Variants in CERT1 observed in about 807,000 individuals in gnomAD.
The protein encoded by CERT1 is ceramide transfer protein.
Under a neutral mutation model 87.9 loss-of-function variants are expected in CERT1, and 31 were observed. That is an observed-to-expected ratio of 0.35 (90% confidence interval 0.27 to 0.48). The LOEUF is 0.48. Among genes scored for constraint, CERT1 ranks in the 20% least tolerant of loss-of-function variants. The pLI is 0.99. For missense variants in CERT1, 487 were observed against 758.0 expected (o/e 0.64, Z 4.20); for synonymous variants, 289 against 250.9 (o/e 1.15, Z -1.44).
chr5:75,412,609 C>T (rs1441569415), intron 7 of CERT1, among the ~76,000 whole-genome samples: 2 of 152,202 alleles, frequency 1.3e-5, no homozygotes. Context: ...GCCTACTACA[C>T]ATCTAGGCTA....
intron 13 of CERT1, 21 bp downstream of exon 13, chr5:75,385,881 A>G (rs2112013852): frequency 7.0e-7 from 1 of 1,425,688 alleles, no homozygotes; most frequent in Non-Finnish European, 9.2e-7. Flanking sequence ...AGATTAAAAT[A>G]TATTAATAAT....
intron 2 of CERT1, among the ~76,000 whole-genome samples, chr5:75,487,300 C>T (rs1420283775): frequency 6.6e-6 from 1 of 151,932 alleles, no homozygotes. Context: ...GAAACTAGAC[C>T]CCTACCTCTT....
chr5:75,433,711 G>C (rs907422096), intron 3 of CERT1, among the ~76,000 whole-genome samples: 2 of 152,002 alleles, frequency 1.3e-5, no homozygotes, highest in Non-Finnish European at 2.9e-5. Flanking sequence ...TGTAGAGATG[G>C]GGTCTCACTC....
At chr5:75,399,413 C>A in intron 10 of CERT1, 26 bp from the exon 11 acceptor site, 2 of 1,563,756 alleles carry the variant, frequency 1.3e-6, no homozygotes, top group East Asian at 2.2e-5. Flanking sequence ...AAAGAAAAAA[C>A]CAAGTAATCA....
chr5:75,381,681 C>CT lies in CERT1; in HGVS notation c.1617+267dup, dbSNP rs1300293441. 2.0e-5 allele frequency among the ~76,000 whole-genome samples: 3 copies of CT among 151,992 alleles called. No individual in the cohort carries two copies. The East Asian group carries it at 5.8e-4, about 29-fold the overall frequency. On this transcript the variant is annotated intron_variant, in intron 15 of 16. Coordinates refer to ENST00000643780, the MANE Select transcript of CERT1 (RefSeq NM_001379029.1). The stretch of plus-strand genomic sequence containing the variant: ...TTAAGAGATAACTGTGGGAAGTAGC[C>CT]TACTGCCCAGTGTATGTACTGCCCT...
chr5:75,374,486 T>C (rs1326867605), downstream of CERT1: 14 of 721,412 alleles, frequency 1.9e-5, no homozygotes, highest in Admixed American at 5.2e-5. Flanking sequence ...GAAGGAACAA[T>C]GGTTGTGCCA....
intron 8 of CERT1, among the ~76,000 whole-genome samples, chr5:75,409,052 A>G (rs891914170): frequency 1.3e-5 from 2 of 152,070 alleles, no homozygotes; most frequent in Admixed American, 1.3e-4. Flanking sequence ...CATGGGCTTT[A>G]TTGGCTTATT....
intron 16 of CERT1, among the ~76,000 whole-genome samples, chr5:75,380,548 G>T (rs972560737): frequency 3.9e-5 from 6 of 152,104 alleles, no homozygotes; most frequent in African/African-American, 1.4e-4. Flanking sequence ...CAGCACTTTG[G>T]GAGGCCGAGG....
At chr5:75,484,654 A>G (rs1766422636) in intron 2 of CERT1, among the ~76,000 whole-genome samples, 1 of 152,100 alleles carries the variant, frequency 6.6e-6, no homozygotes, top group African/African-American at 2.4e-5. Flanking sequence ...GTCGTTACAT[A>G]ATGACAAAGG....
chr5:75,463,407 T>C (rs1467585120), intron 2 of CERT1, among the ~76,000 whole-genome samples: 1 of 152,118 alleles, frequency 6.6e-6, no homozygotes, highest in African/African-American at 2.4e-5. Context: ...TAAGAATGCA[T>C]GCTACAGGAA....
At chr5:75,374,246 C>T (rs141030242), downstream of CERT1, 768 of 400,404 alleles carry the variant, frequency 1.9e-3, 5 homozygotes, top group East Asian at 0.018. Flanking sequence ...AGTATGTTTG[C>T]TACGAACAGC....
At chr5:75,497,180 C>T (rs73764920) in intron 2 of CERT1, among the ~76,000 whole-genome samples, 11,917 of 152,142 alleles carry the variant, frequency 0.078, 561 homozygotes, top group South Asian at 0.17. Context: ...TGACACGCTA[C>T]GTATCCCGGC....
At chr5:75,406,743 C>G (rs1390557534) in intron 8 of CERT1, among the ~76,000 whole-genome samples, 1 of 152,058 alleles carries the variant, frequency 6.6e-6, no homozygotes, top group Non-Finnish European at 1.5e-5. Context: ...GGGCGTTTCA[C>G]CATGTTGGCC....
chr5:75,485,927 C>G (rs1196384364), intron 2 of CERT1, among the ~76,000 whole-genome samples: 2 of 151,926 alleles, frequency 1.3e-5, no homozygotes, highest in Non-Finnish European at 2.9e-5. Flanking sequence ...TTACTGAACA[C>G]CGAAGGAAGA....
At chr5:75,417,121 C>T (rs987936269) in intron 6 of CERT1, 88 bp from the exon 7 acceptor site, 81 of 1,055,486 alleles carry the variant, frequency 7.7e-5, no homozygotes, top group Non-Finnish European at 1.0e-4. Flanking sequence ...AGAAAATTAG[C>T]AAGTCAGAGC....
intron 3 of CERT1, among the ~76,000 whole-genome samples, chr5:75,432,860 G>A (rs942756373): frequency 3.3e-5 from 5 of 152,190 alleles, no homozygotes; most frequent in Non-Finnish European, 7.3e-5. Context: ...AATCCATCTT[G>A]AGTTAATTTT....
At chr5:75,376,084 CA>C (rs1761300035), downstream of CERT1, 1 of 152,154 alleles carries the variant, frequency 6.6e-6, no homozygotes, top group Admixed American at 6.6e-5. Context: ...CCCAGGTCCA[CA>C]AATGAAAAAT....
intron 12 of CERT1, among the ~76,000 whole-genome samples, chr5:75,388,624 A>ATC (rs1761906709): frequency 1.1e-5 from 1 of 90,126 alleles, no homozygotes; most frequent in African/African-American, 5.1e-5. Context: ...ATATATATAT[A>ATC]TATATATATA....
chr5:75,379,805 G>A (rs914339627), intron 16 of CERT1, among the ~76,000 whole-genome samples: 19 of 151,952 alleles, frequency 1.3e-4, no homozygotes, highest in Non-Finnish European at 2.1e-4. Context: ...GGATGGTCTC[G>A]AACTCTTGAC....
Sources: allele counts gnomAD v4.1 joint callset (sites outside exome capture counted in the v4.1 genomes callset), GRCh38; gene constraint gnomAD v4.1.1; transcripts MANE v1.5; gene names NCBI Gene and HGNC (gene_info 2026-07-23, HGNC 2026-07-21).